The following GADL1 variants were observed in gnomAD, a reference collection of about 807,000 sequenced individuals.
GADL1 encodes the protein acidic amino acid decarboxylase GADL1.
GADL1 carries 71 observed loss-of-function variants against 69.5 expected under a neutral mutation model. The ratio of observed to expected loss-of-function variants is 1.02; its 90% CI spans 0.84 to 1.25. GADL1 has a LOEUF of 1.25. GADL1 is among the 50% of genes most tolerant of loss of function. The pLI is 0.00. For synonymous variants in GADL1, 254 were observed against 214.4 expected (o/e 1.18, Z -1.62); for missense variants, 737 against 631.8 (o/e 1.17, Z -1.79).
In GADL1 at chr3:30,861,885, C is replaced by T. The variant is rs1698326125; in HGVS notation, c.38-120G>A. On this transcript the variant is annotated intron_variant, in intron 1 of 14. Transcript: ENST00000282538. ...TGGCACATCTTTTAATACATGAAGG[C>T]ATCATTTGAGGTGTTGAGCTGACAA... 9 of 637,976 alleles carry T rather than the reference C, an allele frequency of 1.4e-5. No individual in the cohort carries two copies. In the South Asian group the frequency reaches 2.0e-4, roughly 14 times the overall value. 39.5% of individuals were successfully genotyped at this position (637,976 alleles called of 1,614,324 possible).
In GADL1 at chr3:30,857,162, C is replaced by G. The variant is rs1438469741; in HGVS notation, c.211-21G>C. 1.9e-6 allele frequency: 3 copies of G among 1,548,062 alleles called. No individual in the cohort carries two copies. The Admixed American group carries it at 5.9e-5, about 30-fold the overall frequency. The stretch of plus-strand genomic sequence containing the variant: ...CACACCTGGAGATTCAACCACAACA[C>G]AAATTGAGTATCCACCATAGCCAGG... On this transcript the variant is annotated intron_variant, in intron 2 of 14. Transcript: ENST00000282538.
intron 2 of GADL1, among the ~76,000 whole-genome samples, chr3:30,858,361 G>C (rs1408442752): frequency 6.6e-6 from 1 of 152,008 alleles, no homozygotes; most frequent in Non-Finnish European, 1.5e-5. Context: ...ATTTGTGTTT[G>C]GGGCAATAGC....
At chr3:30,772,458 C>T (rs939294725) in intron 14 of GADL1, among the ~76,000 whole-genome samples, 1 of 152,176 alleles carries the variant, frequency 6.6e-6, no homozygotes, top group South Asian at 2.1e-4. Context: ...TCTCTGGGGT[C>T]TAACATTTCC....
intron 14 of GADL1, among the ~76,000 whole-genome samples, chr3:30,739,272 G>A (rs760220255): frequency 5.3e-5 from 8 of 152,104 alleles, no homozygotes; most frequent in Non-Finnish European, 8.8e-5. Flanking sequence ...ACAGGCTGCC[G>A]AGACATTCCA....
chr3:30,774,556 T>G (rs1448592925), intron 14 of GADL1, among the ~76,000 whole-genome samples: 3 of 151,688 alleles, frequency 2.0e-5, no homozygotes, highest in African/African-American at 7.3e-5. Flanking sequence ...CTACATTCAC[T>G]GTGTTTCTAA....
At chr3:30,835,495 CAAG>C (rs1194719734) in intron 9 of GADL1, among the ~76,000 whole-genome samples, 1 of 152,022 alleles carries the variant, frequency 6.6e-6, no homozygotes, top group Non-Finnish European at 1.5e-5. Flanking sequence ...TAGCCAATAA[CAAG>C]AAAGTACAGC....
chr3:30,852,822 T>C (rs571484384), intron 4 of GADL1, among the ~76,000 whole-genome samples: 2 of 152,200 alleles, frequency 1.3e-5, no homozygotes, highest in South Asian at 4.1e-4. Flanking sequence ...TTAGAGATTT[T>C]TGAACTTAGA....
At chr3:30,893,394 C>A (rs1698811777) in intron 1 of GADL1, among the ~76,000 whole-genome samples, 2 of 151,980 alleles carry the variant, frequency 1.3e-5, no homozygotes, top group South Asian at 4.2e-4. Flanking sequence ...GTGGTGAGAA[C>A]ACTGAAATCC....
intron 11 of GADL1, among the ~76,000 whole-genome samples, chr3:30,821,751 T>G (rs9827839): frequency 0.36 from 54,361 of 150,966 alleles, 13,309 homozygotes; most frequent in African/African-American, 0.66. Context: ...TTTAAAAGAG[T>G]GAATATAGAC....
chr3:30,765,182 A>G (rs304838), intron 14 of GADL1, among the ~76,000 whole-genome samples: 65,169 of 151,940 alleles, frequency 0.43, 13,968 homozygotes, highest in Admixed American at 0.44. Context: ...CTCCCCTAAC[A>G]TGTCTTCCTT....
intron 11 of GADL1, among the ~76,000 whole-genome samples, chr3:30,809,906 T>C (rs1403706196): frequency 2.0e-5 from 3 of 152,228 alleles, no homozygotes; most frequent in African/African-American, 7.2e-5. Flanking sequence ...TTTTGTCTTA[T>C]TTCAATTTAA....
intron 14 of GADL1, among the ~76,000 whole-genome samples, chr3:30,764,072 A>G (rs1378874225): frequency 6.6e-6 from 1 of 152,196 alleles, no homozygotes; most frequent in Non-Finnish European, 1.5e-5. Context: ...TCAGAATAGC[A>G]TAGAAAGTTT....
intron 12 of GADL1, among the ~76,000 whole-genome samples, chr3:30,795,649 GA>G (rs1338406269): frequency 6.6e-6 from 1 of 152,066 alleles, no homozygotes; most frequent in Non-Finnish European, 1.5e-5. Context: ...TCAGTAATTT[GA>G]AAAGAAAGAA....
intron 14 of GADL1, among the ~76,000 whole-genome samples, chr3:30,768,083 G>C (rs73058889): frequency 0.14 from 19,771 of 146,222 alleles, 1,697 homozygotes; most frequent in African/African-American, 0.24. Context: ...TTAGATTGAA[G>C]CTTGTGTACT....
At chr3:30,798,043 A>T (rs543753559) in intron 12 of GADL1, 3 of 152,134 alleles carry the variant, frequency 2.0e-5, no homozygotes, top group Non-Finnish European at 4.4e-5. Flanking sequence ...CAACAATTTT[A>T]TTTCTAATGT....
At chr3:30,850,143 T>C (rs1223363948) in intron 5 of GADL1, 32 bp from the exon 6 acceptor site, 3 of 1,196,118 alleles carry the variant, frequency 2.5e-6, no homozygotes, top group African/African-American at 1.5e-5. Flanking sequence ...GGCATATTTA[T>C]AGCATGAAGT....
chr3:30,863,330 T>A (rs1003314867), intron 1 of GADL1, among the ~76,000 whole-genome samples: 1 of 152,004 alleles, frequency 6.6e-6, no homozygotes, highest in African/African-American at 2.4e-5. Context: ...ATTAAATGCC[T>A]TTAAACTTTT....
intron 11 of GADL1, among the ~76,000 whole-genome samples, chr3:30,801,854 C>T (rs1457308903): frequency 6.6e-6 from 1 of 152,124 alleles, no homozygotes; most frequent in South Asian, 2.1e-4. Context: ...CAATCATTTA[C>T]AGCCCTGACA....
intron 11 of GADL1, among the ~76,000 whole-genome samples, chr3:30,814,585 G>A (rs1333930253): frequency 6.6e-6 from 1 of 151,986 alleles, no homozygotes; most frequent in African/African-American, 2.4e-5. Context: ...CAGGTGACAG[G>A]CCAGGTTTAA....
Sources: gnomAD v4.1 joint callset for allele counts (sites outside exome capture counted in the v4.1 genomes callset) on GRCh38, gnomAD v4.1.1 for gene constraint, MANE v1.5 for transcripts, NCBI Gene and HGNC (gene_info 2026-07-23, HGNC 2026-07-21) for gene names.